The following GLIS3 variants were observed in gnomAD, a reference collection of about 807,000 sequenced individuals.
GLIS3 encodes GLIS family zinc finger 3.
GLIS3 carries 53 observed loss-of-function variants against 78.6 expected under a neutral mutation model. That is an observed-to-expected ratio of 0.67 (90% CI 0.54 to 0.85). The LOEUF is 0.85. GLIS3 is among the 40% of genes least tolerant of loss of function. The pLI, the probability that GLIS3 is intolerant of heterozygous loss-of-function variation, is 0.00. For synonymous variants in GLIS3, 684 were observed against 509.9 expected, an observed-to-expected ratio of 1.34 and a Z score of -4.60; for missense variants, 1,703 against 1,231.1, an observed-to-expected ratio of 1.38 and a Z score of -5.74.
the GLIS3 span, among the ~76,000 whole-genome samples, chr9:4,463,868 G>A: frequency 6.6e-6 from 1 of 152,160 alleles, no homozygotes; most frequent in Non-Finnish European, 1.5e-5. Flanking sequence ...TTGATAGAAA[G>A]CAGTCATTTG....
chr9:4,223,570 G>C (rs1563783366), intron 2 of GLIS3, among the ~76,000 whole-genome samples: 1 of 26,122 alleles, frequency 3.8e-5, no homozygotes, highest in Non-Finnish European at 1.1e-4. Context: ...GTTCCCTGAT[G>C]AAAGAAGTGT....
At chr9:4,171,544 A>T (rs1271437814) in intron 2 of GLIS3, among the ~76,000 whole-genome samples, 1 of 152,222 alleles carries the variant, frequency 6.6e-6, no homozygotes, top group Non-Finnish European at 1.5e-5. Flanking sequence ...TGGAATAAGG[A>T]AAGATTCTTG....
chr9:4,198,649 A>G (rs77641231), intron 2 of GLIS3, among the ~76,000 whole-genome samples: 12,016 of 152,316 alleles, frequency 0.079, 591 homozygotes, highest in East Asian at 0.23. Context: ...TGAGAAAATA[A>G]TTCAAGAAAA....
intron 3 of GLIS3, among the ~76,000 whole-genome samples, chr9:4,309,840 T>C (rs1449940664): frequency 1.3e-5 from 2 of 152,146 alleles, no homozygotes; most frequent in Admixed American, 6.6e-5. Flanking sequence ...AAGAGACATG[T>C]GAGACAAGAT....
intron 2 of GLIS3, among the ~76,000 whole-genome samples, chr9:4,337,483 G>A (rs895046250): frequency 8.5e-5 from 13 of 152,126 alleles, no homozygotes; most frequent in African/African-American, 2.4e-4. Flanking sequence ...ACGAATGAAG[G>A]CAATATTTTG....
In GLIS3 at chr9:4,118,131, G is replaced by A; in HGVS notation, c.1347C>T (p.Leu449=). 1.3e-6 allele frequency: 2 copies of A among 1,551,750 alleles called. No individual in the cohort carries two copies. The highest frequency in any genetic ancestry group is 1.4e-5 in the African/African-American group (1 of 73,696). The change falls in exon 4 of 11, where the codon CTC becomes CTT. Residue 449 remains leucine, a synonymous_variant. Coordinates refer to ENST00000381971, the MANE Select transcript of GLIS3 (RefSeq NM_001042413.2). This position sits in a 1 kb window ranked among gnomAD's most constrained non-coding sequence, Gnocchi z 4.7. ...GGCCTGGGGGCGGCGGCAGAGGAGGGAGCGGAGGCGCGGGGGGTAGGTCTA... is the reference window on the plus strand; with the variant it reads ...GGCCTGGGGGCGGCGGCAGAGGAGGAAGCGGAGGCGCGGGGGGTAGGTCTA... The part of the protein sequence containing the change: ...STVDLPPAPP[L]PPLPPPPGPP...
At chr9:4,270,531 T>G (rs1826407496) in intron 2 of GLIS3, among the ~76,000 whole-genome samples, 1 of 152,170 alleles carries the variant, frequency 6.6e-6, no homozygotes, top group African/African-American at 2.4e-5. Context: ...GTTGACAGAA[T>G]GCAGTTTCTC....
the GLIS3 span, among the ~76,000 whole-genome samples, chr9:4,394,737 G>T: frequency 6.6e-6 from 1 of 152,116 alleles, no homozygotes; most frequent in Non-Finnish European, 1.5e-5. Flanking sequence ...TGTTTTTGCC[G>T]AGTACAGACT....
In GLIS3 at chr9:3,974,852, T is replaced by C. The variant is rs555766858; in HGVS notation, c.1711-37663A>G. ...TGTCTTAGTGTAGGAGAAAATGTCC[T>C]TTAATGTCATCAGCTAAGAAAAGGT... On this transcript the variant is annotated intron_variant, in intron 4 of 10. Transcript: ENST00000381971. 3.3e-5 allele frequency among the ~76,000 whole-genome samples: 5 copies of C among 152,242 alleles called. No homozygotes were observed. The South Asian group carries it at 1.0e-3, about 32-fold the overall frequency.
chr9:4,085,437 C>G (rs1045263519), intron 4 of GLIS3, among the ~76,000 whole-genome samples: 1 of 152,162 alleles, frequency 6.6e-6, no homozygotes, highest in African/African-American at 2.4e-5. Context: ...TCAGACCTCA[C>G]TTTTCTTGAT....
chr9:4,401,663 G>A, the GLIS3 span, among the ~76,000 whole-genome samples: 1 of 151,524 alleles, frequency 6.6e-6, no homozygotes, highest in Non-Finnish European at 1.5e-5. Flanking sequence ...TGCCTCCTGG[G>A]TTCAAGCGAT....
chr9:4,380,873 T>C, the GLIS3 span, among the ~76,000 whole-genome samples: 4 of 152,150 alleles, frequency 2.6e-5, no homozygotes, highest in Non-Finnish European at 5.9e-5. Flanking sequence ...GTCTTATCTC[T>C]CAAAATGTCT....
At chr9:4,035,425 C>G (rs1824216136) in intron 4 of GLIS3, among the ~76,000 whole-genome samples, 1 of 151,418 alleles carries the variant, frequency 6.6e-6, no homozygotes, top group African/African-American at 2.4e-5. Flanking sequence ...CCAAAGCTAC[C>G]TCTCACCTAT....
At chr9:4,270,567 A>C (rs12350620) in intron 2 of GLIS3, among the ~76,000 whole-genome samples, 61,967 of 152,072 alleles carry the variant, frequency 0.41, 12,933 homozygotes, top group African/African-American at 0.47. Context: ...TGAGCCTCCA[A>C]TTATTCTGTC....
In GLIS3 at chr9:4,159,311, C is replaced by T. The variant is rs150152214; in HGVS notation, c.389-33370G>A. Among the ~76,000 whole-genome samples, 250 of 152,330 alleles carry T rather than the reference C, an allele frequency of 1.6e-3. 1 individual carries two copies. Among genetic ancestry groups the T allele is most frequent in the African/African-American group, 5.7e-3 (237 of 41,568 alleles). On this transcript the variant is annotated intron_variant, in intron 2 of 10. Coordinates refer to ENST00000381971, the MANE Select transcript of GLIS3 (RefSeq NM_001042413.2). Reference sequence around the variant, plus strand: ...GCATTTTGTACAATCTCTGCCTTGTCTTGGCCCTTTCTTTCAATACGGATG... The same window carrying T: ...GCATTTTGTACAATCTCTGCCTTGTTTTGGCCCTTTCTTTCAATACGGATG...
chr9:4,274,714 ACCC>A (rs1826828474), intron 2 of GLIS3, among the ~76,000 whole-genome samples: 1 of 152,130 alleles, frequency 6.6e-6, no homozygotes, highest in African/African-American at 2.4e-5. Context: ...AGCACAGGGC[ACCC>A]CTTCTGAGTG....
At chr9:4,425,390 C>T in the GLIS3 span, among the ~76,000 whole-genome samples, 1 of 152,352 alleles carries the variant, frequency 6.6e-6, no homozygotes, top group East Asian at 1.9e-4. Flanking sequence ...AAGGATTTGC[C>T]TGGAGACCCT....
chr9:4,356,386 G>A, the GLIS3 span, among the ~76,000 whole-genome samples: 1 of 152,200 alleles, frequency 6.6e-6, no homozygotes, highest in Non-Finnish European at 1.5e-5. Context: ...ATCCGACAAA[G>A]CAATATGATT....
At chr9:4,055,724 G>C (rs376142979) in intron 4 of GLIS3, among the ~76,000 whole-genome samples, 25 of 152,284 alleles carry the variant, frequency 1.6e-4, no homozygotes, top group African/African-American at 5.8e-4. Flanking sequence ...ATGCACAAAG[G>C]CTTCTGTTTT....
Sources: allele counts gnomAD v4.1 joint callset (sites outside exome capture counted in the v4.1 genomes callset), GRCh38; gene constraint gnomAD v4.1.1; non-coding constraint Gnocchi (gnomAD v3.1); transcripts MANE v1.5; gene names NCBI Gene and HGNC (gene_info 2026-07-23, HGNC 2026-07-21).